The following LRP6 variants were observed in gnomAD, a reference collection of about 807,000 sequenced individuals.
LRP6 encodes low-density lipoprotein receptor-related protein 6.
A neutral mutation model predicts 184.1 loss-of-function variants in LRP6; 43 were observed. The ratio of observed to expected loss-of-function variants is 0.23; its 90% CI spans 0.18 to 0.30. The LOEUF is 0.30. Among genes scored for constraint, LRP6 ranks in the 10% least tolerant of loss-of-function variants. LRP6 has a pLI of 1.00. For missense variants in LRP6, 1,571 were observed against 2,005.3 expected (o/e 0.78, Z 4.14); for synonymous variants, 719 against 684.9 (o/e 1.05, Z -0.78).
At chr12:12,139,927 A>G (rs2136889856) in intron 15 of LRP6, among the ~76,000 whole-genome samples, 1 of 152,320 alleles carries the variant, frequency 6.6e-6, no homozygotes, top group East Asian at 1.9e-4. Flanking sequence ...TAATTAGCTC[A>G]GAAAGTGGAA....
Position 12,198,171 on chromosome 12 carries a change from C to T in LRP6, c.647+5032G>A, listed in dbSNP as rs375974934. On this transcript the variant is annotated intron_variant, in intron 3 of 22. Transcript: ENST00000261349. The stretch of plus-strand genomic sequence containing the variant: ...ACTTCAGGCGATCCACCCACCTTGG[C>T]CTCCCAAAGTACTGGGATTATAGGC... Among the ~76,000 whole-genome samples the T allele has an allele frequency of 1.6e-4, 25 of 152,316 alleles. No individual in the cohort carries two copies. The East Asian group carries it at 2.5e-3, about 15-fold the overall frequency.
Position 12,131,894 on chromosome 12 carries a change from C to A in LRP6, c.3897G>T (p.Gln1299His), listed in dbSNP as rs768341624. The A allele has an allele frequency of 5.0e-6, 8 of 1,614,108 alleles. No homozygotes were observed. Among genetic ancestry groups the A allele is most frequent in the Non-Finnish European group, 6.8e-6 (8 of 1,180,032 alleles). Reference protein sequence around the residue: ...SESQFQCASGQCIDGALRCNG... With the variant: ...SESQFQCASGHCIDGALRCNG... The stretch of plus-strand genomic sequence containing the variant: ...TGCATCGGAGGGCACCATCAATACA[C>A]TGCCCACTGGCACACTGGAACTGGG... Residue 1299 changes from glutamine (Q) to histidine (H), a missense_variant, in exon 18 of 23, where the codon CAG becomes CAT. By Grantham distance (24) the Gln-to-His change is conservative (BLOSUM62 0). Around this residue, in one of 4 missense-constraint regions of LRP6, gnomAD observed 763 missense variants for 859.5 expected, o/e 0.89. Coordinates refer to ENST00000261349, the MANE Select transcript of LRP6 (RefSeq NM_002336.3).
chr12:12,134,126 G>A (rs559383037), intron 17 of LRP6, among the ~76,000 whole-genome samples: 4 of 152,052 alleles, frequency 2.6e-5, no homozygotes, highest in East Asian at 3.9e-4. Flanking sequence ...ATAGTTCGAC[G>A]AATAAAATTT....
intron 2 of LRP6, among the ~76,000 whole-genome samples, chr12:12,230,118 G>C (rs964031879): frequency 6.6e-6 from 1 of 152,158 alleles, no homozygotes; most frequent in African/African-American, 2.4e-5. Flanking sequence ...GTGAAAGGTA[G>C]AAGATGAGCT....
chr12:12,187,270 AT>A, intron 3 of LRP6, 151 bp from the exon 4 acceptor site: 1 of 668,424 alleles, frequency 1.5e-6, no homozygotes, highest in African/African-American at 1.8e-5. Flanking sequence ...CCTATAAAAA[AT>A]AATTCACATA....
rs768716930 is a variant in LRP6 at position 12,244,654 on chromosome 12, C to T, written c.57G>A (p.Ala19=). 1 of 1,612,576 alleles carries T rather than the reference C, an allele frequency of 6.2e-7. No homozygotes were observed. The highest frequency in any genetic ancestry group is 2.2e-5 in the East Asian group (1 of 44,866). ...LACSFCVLLR[A]APLLLYANRR... ...TGTTTGCATAAAGCAACAAAGGGGC[C>T]GCTAGAACAAAAAAAGAAAAATATG... The change falls in exon 2 of 23, where the codon GCG becomes GCA. Residue 19 remains alanine (A), a splice_region_variant and synonymous_variant. Coordinates refer to ENST00000261349, the MANE Select transcript of LRP6 (RefSeq NM_002336.3).
chr12:12,176,474 C>T (rs1424853457), intron 7 of LRP6, among the ~76,000 whole-genome samples: 1 of 152,096 alleles, frequency 6.6e-6, no homozygotes, highest in Non-Finnish European at 1.5e-5. Flanking sequence ...ATGCCCTACG[C>T]TCAATCCCTC....
At chr12:12,153,098 C>G (rs983227583) in intron 12 of LRP6, among the ~76,000 whole-genome samples, 1 of 152,172 alleles carries the variant, frequency 6.6e-6, no homozygotes, top group African/African-American at 2.4e-5. Context: ...ACACATCACA[C>G]AGAATAGCTA....
At position 12,162,363 on chromosome 12, in the gene LRP6, G is replaced by C. The variant is rs750893772; in HGVS notation, c.2109C>G (p.Gly703=). The stretch of plus-strand genomic sequence containing the variant: ...CTGCCATGCCTTCTGGATAATCTAA[G>C]CCGAATTCTACCACATGTTCCAGTG... ...GSALEHVVEF[G]LDYPEGMAVD... Residue 703 remains glycine, a synonymous_variant, in exon 10 of 23, where the codon GGC becomes GGG. Transcript: ENST00000261349. 9.3e-6 allele frequency: 15 copies of C among 1,614,012 alleles called. No individual in the cohort carries two copies. Among genetic ancestry groups the C allele is most frequent in the Non-Finnish European group, 1.3e-5 (15 of 1,180,022 alleles).
intron 2 of LRP6, among the ~76,000 whole-genome samples, chr12:12,243,814 G>A (rs780242068): frequency 6.6e-5 from 10 of 152,126 alleles, no homozygotes; most frequent in Non-Finnish European, 1.2e-4. Context: ...GCAGTGGTGC[G>A]ATCTCAGCTC....
rs749486941 is a variant in LRP6, at chr12:12,181,344, C to T, written c.1072G>A (p.Asp358Asn). 2.5e-6 allele frequency: 4 copies of T among 1,613,374 alleles called. No individual in the cohort carries two copies. The Admixed American group carries it at 5.0e-5, about 20-fold the overall frequency. The stretch of plus-strand genomic sequence containing the variant: ...TCTATGGCAATGGCATGACGGATGT[C>T]TTCTAACTGCAGAACAATGTCTGTA... ...DFTDIVLQLE[D>N]IRHAIAIDYD... is the part of the protein sequence containing the mutation. Residue 358 changes from aspartate (D) to asparagine (N), a missense_variant, in exon 6 of 23, where the codon GAC becomes AAC. This residue lies in a region of LRP6 where 640 missense variants were observed against 851.9 expected (regional missense o/e 0.75). Transcript: ENST00000261349.
intron 1 of LRP6, among the ~76,000 whole-genome samples, chr12:12,258,682 G>C (rs73293333): frequency 3.4e-3 from 519 of 152,320 alleles, no homozygotes; most frequent in African/African-American, 0.012. Context: ...ATAATGTGTA[G>C]CTAAGAATTC....
rs1555126544 is a variant in LRP6 at position 12,254,162 on chromosome 12, A to AG, written c.56-9508_56-9507insC. On this transcript the variant is annotated intron_variant, in intron 1 of 22. Coordinates refer to ENST00000261349, the MANE Select transcript of LRP6 (RefSeq NM_002336.3). ...CTGTCTCAAAAAAAAAAAAAAAAAA[A>AG]AAAGAAAGAAAGAAAAAGGAAAACT... Among the ~76,000 whole-genome samples the AG allele has an allele frequency of 2.5e-3, 337 of 134,920 alleles. 1 individual carries two copies. The highest frequency in any genetic ancestry group is 7.1e-3 in the African/African-American group (267 of 37,572). The allele number at this position is 134,920 out of a possible 152,430, so 88.5% of individuals were successfully genotyped here.
intron 2 of LRP6, among the ~76,000 whole-genome samples, chr12:12,221,717 T>A (rs1397889568): frequency 6.6e-6 from 1 of 152,206 alleles, no homozygotes; most frequent in Admixed American, 6.5e-5. Context: ...CACCTGTTTA[T>A]CCATAGCATT....
chr12:12,126,847 C>T lies in LRP6; in HGVS notation c.4156G>A (p.Val1386Met), dbSNP rs953748403. 5 of 1,614,090 alleles carry T rather than the reference C, an allele frequency of 3.1e-6. No homozygotes were observed. The highest frequency in any genetic ancestry group is 4.2e-6 in the Non-Finnish European group (5 of 1,179,980). Residue 1386 changes from valine to methionine, a missense_variant, in exon 20 of 23, where the codon GTG becomes ATG. Physicochemically the swap from Val to Met is conservative, Grantham distance 21. Coordinates refer to ENST00000261349, the MANE Select transcript of LRP6 (RefSeq NM_002336.3). ...CAGATAAAGTATACAGTTCCAGACA[C>T]AAAAATGGTGACAATTACGCCAATA... ...SVIGVIVTIF[V>M]SGTVYFICQR...
At chr12:12,147,937 T>C (rs1254254486) in intron 14 of LRP6, among the ~76,000 whole-genome samples, 1 of 151,828 alleles carries the variant, frequency 6.6e-6, no homozygotes, top group African/African-American at 2.4e-5. Context: ...ATTGTGTCAC[T>C]GCACTCTAGC....
At position 12,125,279 on chromosome 12, in the gene LRP6, G is replaced by A; in HGVS notation, c.4449+17C>T. On this transcript the variant is annotated intron_variant, in intron 21 of 22. Transcript: ENST00000261349. ...GATCTTATGTATGTCGCATTCAAAG[G>A]AAAACAGACTACTTACTGCAGGGAA... 1 of 1,613,826 alleles carries A rather than the reference G, an allele frequency of 6.2e-7. No individual in the cohort carries two copies. The highest frequency in any genetic ancestry group is 8.5e-7 in the Non-Finnish European group (1 of 1,179,822).
chr12:12,170,896 C>T (rs1863018969), intron 7 of LRP6, among the ~76,000 whole-genome samples: 1 of 151,778 alleles, frequency 6.6e-6, no homozygotes, highest in African/African-American at 2.4e-5. Context: ...ATATAAAACA[C>T]TAGCTAAGAG....
chr12:12,262,182 C>G (rs1415166602), intron 1 of LRP6, among the ~76,000 whole-genome samples: 2 of 152,134 alleles, frequency 1.3e-5, no homozygotes, highest in African/African-American at 4.8e-5. Flanking sequence ...AGTTCAAGAT[C>G]ATCCTGACCA....
Sources: gnomAD v4.1 joint callset for allele counts (sites outside exome capture counted in the v4.1 genomes callset) on GRCh38, gnomAD v4.1.1 for gene constraint, gnomAD v4.1.1 regional missense constraint, MANE v1.5 for transcripts, NCBI Gene and HGNC (gene_info 2026-07-23, HGNC 2026-07-21) for gene names.